Variants in PTGES2 observed in about 807,000 individuals in gnomAD.
PTGES2 encodes prostaglandin E synthase 2, also known as GATE-binding factor 1.
Under a neutral mutation model 44.5 loss-of-function variants are expected in PTGES2, and 35 were observed. That is an observed-to-expected ratio of 0.79 (90% CI 0.60 to 1.04). The LOEUF (loss-of-function observed/expected upper bound fraction) is 1.04. Ranked by LOEUF, PTGES2 falls within the 50% of genes least tolerant of loss-of-function variation. The pLI is 0.00. For synonymous variants in PTGES2, 221 were observed against 227.5 expected (o/e 0.97, Z 0.26); for missense variants, 517 against 521.4 (o/e 0.99, Z 0.08).
intron 1 of PTGES2, among the ~76,000 whole-genome samples, chr9:128,127,198 A>AAAAAC (rs1834655907): frequency 6.7e-6 from 1 of 149,502 alleles, no homozygotes; most frequent in Non-Finnish European, 1.5e-5. Context: ...AACCAAAAAA[A>AAAAAC]AAAAAAAAAA....
In PTGES2 at chr9:128,123,498, G is replaced by A. The variant is rs533640344; in HGVS notation, c.686+204C>T. Among the ~76,000 whole-genome samples the A allele has an allele frequency of 1.1e-4, 16 of 152,154 alleles. No individual in the cohort carries two copies. In the East Asian group the frequency reaches 2.5e-3, roughly 24 times the overall value. On this transcript the variant is annotated intron_variant, in intron 4 of 6. Transcript: ENST00000338961. The surrounding 1 kb of genome is among the most constrained non-coding windows in gnomAD (Gnocchi z 4.4). ...TGACCTCAGGTGATCTGCCTGCCTC[G>A]GCCTCCCAACAGGCTGGGATTACAG...
chr9:128,125,134 G>T, intron 2 of PTGES2, 110 bp downstream of exon 2: 1 of 1,015,590 alleles, frequency 9.8e-7, no homozygotes. Flanking sequence ...GTCCTTACAG[G>T]CACAAGGATC....
Position 128,121,199 on chromosome 9 carries a change from C to A in PTGES2, c.1080G>T (p.Gln360His), listed in dbSNP as rs764017847. The change falls in exon 7 of 7, where the codon CAG (glutamine) becomes CAT (histidine). Residue 360 changes from glutamine to histidine, a missense_variant. Gln to His is a conservative substitution (Grantham distance 24). Coordinates refer to ENST00000338961, the MANE Select transcript of PTGES2 (RefSeq NM_025072.7). ...FDDLMQHTHI[Q>H]PWYLRVERAI... ...CCCTCTCCACCCGCAGGTACCAGGGCTGGATGTGCGTGTGCTGCATCAGGT... is the reference window on the plus strand; with the variant it reads ...CCCTCTCCACCCGCAGGTACCAGGGATGGATGTGCGTGTGCTGCATCAGGT... 1 of 1,595,548 alleles carries A rather than the reference C, an allele frequency of 6.3e-7. No homozygotes were observed. Among genetic ancestry groups the A allele is most frequent in the Non-Finnish European group, 8.5e-7 (1 of 1,171,296 alleles).
rs955222823 is a variant in PTGES2, at chr9:128,125,634, G to A, written c.280-193C>T. On this transcript the variant is annotated intron_variant, in intron 1 of 6. Coordinates refer to ENST00000338961, the MANE Select transcript of PTGES2 (RefSeq NM_025072.7). ...CCAGGTTTAAGCCCCTGGCCAGCAC[G>A]GTCCCCAAGCAGGAGTCCCACCCTT... Among the ~76,000 whole-genome samples the A allele has an allele frequency of 1.7e-4, 26 of 152,260 alleles. No homozygotes were observed. The South Asian group carries it at 1.9e-3, about 11-fold the overall frequency.
In PTGES2 at chr9:128,127,486, A is replaced by G. The variant is rs1834673803; in HGVS notation, c.232T>C (p.Trp78Arg). 7.1e-7 allele frequency: 1 copy of G among 1,401,420 alleles called. No homozygotes were observed. The highest frequency in any genetic ancestry group is 9.3e-7 in the Non-Finnish European group (1 of 1,073,720). The allele number at this position is 1,401,420 out of a possible 1,614,324, so 86.8% of individuals were successfully genotyped here. ...GALGLYHTAR[W>R]HLRAQDLHAE... ...TGGAGGTCCTGGGCGCGCAGGTGCC[A>G]CCGCGCCGTGTGGTACAGCCCCAGG... is the stretch of plus-strand genomic sequence containing the variant. The change falls in exon 1 of 7, where the codon TGG becomes CGG. Residue 78 changes from tryptophan to arginine, a missense_variant. By Grantham distance (101) the Trp-to-Arg change is moderately radical. Coordinates refer to ENST00000338961, the MANE Select transcript of PTGES2 (RefSeq NM_025072.7).
chr9:128,128,014 T>C, upstream of PTGES2: 3 of 409,802 alleles, frequency 7.3e-6, no homozygotes, highest in Non-Finnish European at 1.3e-5. Flanking sequence ...TCGCCCCACC[T>C]TGACCGCCTA....
intron 1 of PTGES2, 93 bp from the exon 2 acceptor site, chr9:128,125,534 T>C (rs1274867509): frequency 2.6e-6 from 3 of 1,169,804 alleles, no homozygotes; most frequent in Non-Finnish European, 3.7e-6. Flanking sequence ...TCTTCTGAAA[T>C]GACGCTAGAA....
chr9:128,125,051 T>C (rs1834565622), intron 2 of PTGES2, among the ~76,000 whole-genome samples, 193 bp downstream of exon 2: 2 of 152,090 alleles, frequency 1.3e-5, no homozygotes, highest in Non-Finnish European at 2.9e-5. Flanking sequence ...ACCCAGCAGG[T>C]GTTTGGTTTT....
In PTGES2 at chr9:128,121,883, C is replaced by T. The variant is rs112421982; in HGVS notation, c.1005+479G>A. On this transcript the variant is annotated intron_variant, in intron 6 of 6. Coordinates refer to ENST00000338961, the MANE Select transcript of PTGES2 (RefSeq NM_025072.7). ...AGCCAAGACTGCACCGCTGCACTCC[C>T]GCCTGGGTGACAGCGTGAGACTTGG... Among the ~76,000 whole-genome samples, 8 of 151,976 alleles carry T rather than the reference C, an allele frequency of 5.3e-5. No individual in the cohort carries two copies. The East Asian group carries it at 5.8e-4, about 11-fold the overall frequency.
At position 128,123,022 on chromosome 9, in the gene PTGES2, C is replaced by A. The variant is rs1035144300; in HGVS notation, c.799G>T (p.Glu267Ter). 1 of 1,613,834 alleles carries A rather than the reference C, an allele frequency of 6.2e-7. No homozygotes were observed. Among genetic ancestry groups the A allele is most frequent in the Non-Finnish European group, 8.5e-7 (1 of 1,180,018 alleles). Reference sequence around the variant, plus strand: ...CCCTCCACGGCTCCGAACTTGCCCTCGCGGACAATGTAGTCAAAGGACGCC... The same window carrying A: ...CCCTCCACGGCTCCGAACTTGCCCTAGCGGACAATGTAGTCAAAGGACGCC... The part of the protein sequence containing the change: ...ALASFDYIVR[E>*]GKFGAVEGAV... The change falls in exon 5 of 7, where the codon GAG becomes TAG. Residue 267 changes from glutamate (E) to a stop codon, truncating the protein, a stop_gained. Coordinates refer to ENST00000338961, the MANE Select transcript of PTGES2 (RefSeq NM_025072.7). LOFTEE classifies it high-confidence loss of function. The surrounding 1 kb of genome is among the most constrained non-coding windows in gnomAD (Gnocchi z 4.4).
In PTGES2 at chr9:128,123,122, C is replaced by A. The variant is rs1834488357; in HGVS notation, c.699G>T (p.Lys233Asn). Residue 233 changes from lysine (K) to asparagine (N), a missense_variant, in exon 5 of 7, where the codon AAG (lysine) becomes AAT (asparagine). Lys to Asn is a moderately conservative substitution (Grantham distance 94). Coordinates refer to ENST00000338961, the MANE Select transcript of PTGES2 (RefSeq NM_025072.7). This position sits in a 1 kb window ranked among gnomAD's most constrained non-coding sequence, Gnocchi z 4.4. Reference sequence around the variant, plus strand: ...GCCAGTCGTCCGCCCACTGCCGCCACTTCATCTCCTCCCTGCGGGCACGGG... The same window carrying A: ...GCCAGTCGTCCGCCCACTGCCGCCAATTCATCTCCTCCCTGCGGGCACGGG... ...GGKEARTEEM[K>N]WRQWADDWLV... 1 of 1,610,438 alleles carries A rather than the reference C, an allele frequency of 6.2e-7. No individual in the cohort carries two copies. Among genetic ancestry groups the A allele is most frequent in the Non-Finnish European group, 8.5e-7 (1 of 1,180,012 alleles).
Position 128,127,638 on chromosome 9 carries a change from T to C in PTGES2, c.80A>G (p.Gln27Arg). The change falls in exon 1 of 7, where the codon CAG becomes CGG. Residue 27 changes from glutamine to arginine, a missense_variant. Coordinates refer to ENST00000338961, the MANE Select transcript of PTGES2 (RefSeq NM_025072.7). ...ALAWRLGGRPQPLLPTQSRAG... is the reference protein window; with the variant it reads ...ALAWRLGGRPRPLLPTQSRAG... ...CCGGCTCTGCGTGGGTAGCAGCGGC[T>C]GGGGGCGGCCTCCCAGCCTCCAGGC... The C allele has an allele frequency of 7.9e-7, 1 of 1,269,712 alleles. No homozygotes were observed. The highest frequency in any genetic ancestry group is 9.9e-7 in the Non-Finnish European group (1 of 1,009,060). 78.7% of individuals were successfully genotyped at this position (1,269,712 alleles called of 1,614,324 possible).
chr9:128,123,142 C>A lies in PTGES2; in HGVS notation c.687-8G>T. 6.2e-7 allele frequency: 1 copy of A among 1,606,900 alleles called. No homozygotes were observed. The highest frequency in any genetic ancestry group is 2.2e-5 in the East Asian group (1 of 44,862). On this transcript the variant is annotated splice_polypyrimidine_tract_variant and splice_region_variant and intron_variant, in intron 4 of 6. Transcript: ENST00000338961. The surrounding 1 kb of genome is among the most constrained non-coding windows in gnomAD (Gnocchi z 4.4). ...CGCCACTTCATCTCCTCCCTGCGGG[C>A]ACGGGAGGGACTTCCTAAGCCAGGA...
chr9:128,128,003 C>T (rs557461757), upstream of PTGES2: 3 of 405,942 alleles, frequency 7.4e-6, no homozygotes, highest in Admixed American at 8.5e-5. Context: ...CGAACGTCTC[C>T]TCGCCCCACC....
chr9:128,122,227 T>G (rs1036104884), intron 6 of PTGES2, 135 bp downstream of exon 6: 6 of 720,674 alleles, frequency 8.3e-6, no homozygotes, highest in African/African-American at 3.5e-5. Flanking sequence ...CGAGGCGAGT[T>G]TCTGTCCGTG....
At chr9:128,124,664 C>T (rs1834551794) in intron 2 of PTGES2, 114 bp from the exon 3 acceptor site, 11 of 1,302,338 alleles carry the variant, frequency 8.4e-6, no homozygotes, top group African/African-American at 1.5e-5. Flanking sequence ...GGGACATGCC[C>T]GGAGTCCTCC....
Position 128,125,400 on chromosome 9 carries a change from G to A in PTGES2, c.321C>T (p.Tyr107=), listed in dbSNP as rs973819231. The change falls in exon 2 of 7, where the codon TAC becomes TAT. Residue 107 remains tyrosine (Y), a synonymous_variant. Transcript: ENST00000338961. ...CCTTGCTGCAGAAGGGACACGTCTT[G>A]TACTGGTACAGGGTCAGCTGCAGGC... is the stretch of plus-strand genomic sequence containing the variant. ...SSRLQLTLYQ[Y]KTCPFCSKVR... is the part of the protein sequence containing the mutation. The A allele has an allele frequency of 1.9e-6, 3 of 1,614,068 alleles. No individual in the cohort carries two copies. In the African/African-American group the frequency reaches 4.0e-5, roughly 22 times the overall value.
chr9:128,124,460 A>G (rs1417297122), intron 3 of PTGES2, 32 bp downstream of exon 3: 1 of 1,608,762 alleles, frequency 6.2e-7, no homozygotes. Context: ...CACCAAAAGC[A>G]ATGGCCACCT....
chr9:128,121,817 G>T (rs1193832557), intron 6 of PTGES2, among the ~76,000 whole-genome samples: 1 of 152,138 alleles, frequency 6.6e-6, no homozygotes, highest in Non-Finnish European at 1.5e-5. Flanking sequence ...GGAGGCTGAG[G>T]CAGAAGAATT....
Sources: allele counts gnomAD v4.1 joint callset (sites outside exome capture counted in the v4.1 genomes callset), GRCh38; gene constraint gnomAD v4.1.1; non-coding constraint Gnocchi (gnomAD v3.1); transcripts MANE v1.5; gene names NCBI Gene and HGNC (gene_info 2026-07-23, HGNC 2026-07-21).